CCNY: variants seen among roughly 807,000 people sequenced by gnomAD.
CCNY encodes the protein cyclin Y, also known as cyclin-Y.
In CCNY, 19 loss-of-function variants were observed where a neutral mutation model predicts 42.8. The observed-to-expected ratio is 0.44, with a 90% CI of 0.31 to 0.65. The LOEUF is 0.65. Among genes scored for constraint, CCNY ranks in the 30% least tolerant of loss-of-function variants. The pLI, the probability that CCNY is intolerant of heterozygous loss-of-function variation, is 0.07. For missense variants in CCNY, 370 were observed against 437.3 expected (o/e 0.85, Z 1.37); for synonymous variants, 165 against 162.7 (o/e 1.01, Z -0.11).
Position 35,254,452 on chromosome 10 carries a change from G to C in CCNY, c.-9+3826G>C, listed in dbSNP as rs149558918. Among the ~76,000 whole-genome samples the C allele has an allele frequency of 7.4e-3, 1,131 of 152,234 alleles. 17 individuals carry two copies. The highest frequency in any genetic ancestry group is 0.025 in the African/African-American group (1,057 of 41,546). On this transcript the variant is annotated intron_variant, in intron 3 of 11. Coordinates refer to the CCNY transcript ENST00000374706. ...GTTGCTTTCCTGTGAGTTGAGAATAGTGTGATGAATGCCTAGTCTGGTAAT... is the reference window on the plus strand; with the variant it reads ...GTTGCTTTCCTGTGAGTTGAGAATACTGTGATGAATGCCTAGTCTGGTAAT...
At chr10:35,544,019 C>G (rs1195146581) in intron 7 of CCNY, among the ~76,000 whole-genome samples, 1 of 151,998 alleles carries the variant, frequency 6.6e-6, no homozygotes, top group Non-Finnish European at 1.5e-5. Flanking sequence ...ATGTTTTTAC[C>G]TAAGTGTTAT....
intron 1 of CCNY, among the ~76,000 whole-genome samples, chr10:35,363,749 C>G (rs73264681): frequency 0.01 from 1,543 of 152,200 alleles, 25 homozygotes; most frequent in African/African-American, 0.036. Flanking sequence ...TCCCTGCCTA[C>G]CTGGCACTGA....
At position 35,465,938 on chromosome 10, in the gene CCNY, A is replaced by AGT. The variant is rs1312410028; in HGVS notation, c.155-17445_155-17444dup. Among the ~76,000 whole-genome samples the AGT allele has an allele frequency of 1.2e-3, 97 of 81,016 alleles. 1 individual carries two copies. The highest frequency in any genetic ancestry group is 5.8e-3 in the Admixed American group (45 of 7,820). 53.1% of individuals were successfully genotyped at this position (81,016 alleles called of 152,430 possible). A position where few individuals can be genotyped will look rare whatever the true frequency, so the allele number is the denominator to read the frequency against. ...GAGAGAGAGAGAGAGAGAGAGAGAGAGTGTGTGTGTGTGTGTGTGTGTCTG... is the reference window on the plus strand; with the variant it reads ...GAGAGAGAGAGAGAGAGAGAGAGAGAGTGTGTGTGTGTGTGTGTGTGTGTCTG... On this transcript the variant is annotated intron_variant, in intron 1 of 9. Transcript: ENST00000374704.
chr10:35,465,938 A>AGTGTGTGTGTGTGTGTGT (rs1312410028), intron 1 of CCNY, among the ~76,000 whole-genome samples: 1 of 80,958 alleles, frequency 1.2e-5, no homozygotes, highest in African/African-American at 4.4e-5. Context: ...AGAGAGAGAG[A>AGTGTGTGTGTGTGTGTGT]GTGTGTGTGT....
intron 7 of CCNY, among the ~76,000 whole-genome samples, chr10:35,532,540 A>G (rs754770896): frequency 6.6e-6 from 1 of 152,240 alleles, no homozygotes; most frequent in South Asian, 2.1e-4. Flanking sequence ...AATAACTTAG[A>G]TCACTAAGTG....
In CCNY at chr10:35,363,121, A is replaced by G. The variant is rs193171663; in HGVS notation, c.154+25914A>G. ...CTTCCCAGCTTGTGAGGTGGCCGGC[A>G]GAGGCACTCCTCACTTCCCAGACGG... On this transcript the variant is annotated intron_variant, in intron 1 of 9. Transcript: ENST00000374704. 4.6e-3 allele frequency among the ~76,000 whole-genome samples: 662 copies of G among 144,150 alleles called. 7 individuals are homozygous for G. The highest frequency in any genetic ancestry group is 0.017 in the African/African-American group (643 of 38,124). 94.6% of individuals were successfully genotyped at this position (144,150 alleles called of 152,430 possible). A position where few individuals can be genotyped will look rare whatever the true frequency, so the allele number is the denominator to read the frequency against.
At chr10:35,448,293 A>G (rs760306999) in intron 1 of CCNY, among the ~76,000 whole-genome samples, 5 of 152,162 alleles carry the variant, frequency 3.3e-5, no homozygotes, top group Non-Finnish European at 7.3e-5. Context: ...AGAGAAAACA[A>G]AGCAGGAAGT....
intron 1 of CCNY, among the ~76,000 whole-genome samples, chr10:35,341,646 G>A (rs937010874): frequency 8.6e-5 from 13 of 151,140 alleles, no homozygotes; most frequent in African/African-American, 3.0e-4. Flanking sequence ...ACATCATCGC[G>A]TATGTTTATT....
chr10:35,566,084 G>A lies in CCNY; in HGVS notation c.808G>A (p.Val270Ile). The A allele has an allele frequency of 6.2e-7, 1 of 1,614,206 alleles. No individual in the cohort carries two copies. Among genetic ancestry groups the A allele is most frequent in the Non-Finnish European group, 8.5e-7 (1 of 1,180,020 alleles). Reference sequence around the variant, plus strand: ...GTTCAACATCAATGTTCCTTCCAGTGTCTATGCCAAGTATTATTTTGATCT... The same window carrying A: ...GTTCAACATCAATGTTCCTTCCAGTATCTATGCCAAGTATTATTTTGATCT... ...LQFNINVPSS[V>I]YAKYYFDLRS... Residue 270 changes from valine to isoleucine, a missense_variant, in exon 9 of 10, where the codon GTC (valine) becomes ATC (isoleucine). Physicochemically the swap from Val to Ile is conservative, Grantham distance 29. Transcript: ENST00000374704.
At chr10:35,529,535 G>A (rs1224610982) in intron 5 of CCNY, among the ~76,000 whole-genome samples, 1 of 152,080 alleles carries the variant, frequency 6.6e-6, no homozygotes, top group Admixed American at 6.5e-5. Context: ...CATTATTCAT[G>A]AATAACCATT....
intron 1 of CCNY, among the ~76,000 whole-genome samples, chr10:35,473,026 C>A (rs1409256621): frequency 6.6e-6 from 1 of 152,142 alleles, no homozygotes; most frequent in Non-Finnish European, 1.5e-5. Flanking sequence ...ATTTTTGACT[C>A]AAAAAATTAT....
chr10:35,555,482 G>A (rs1472959567), intron 8 of CCNY, among the ~76,000 whole-genome samples: 3 of 152,168 alleles, frequency 2.0e-5, no homozygotes, highest in Non-Finnish European at 2.9e-5. Context: ...AACAACAACA[G>A]CAGCAGCAGC....
At chr10:35,308,904 A>G (rs965689555) in intron 3 of CCNY, among the ~76,000 whole-genome samples, 10 of 152,056 alleles carry the variant, frequency 6.6e-5, no homozygotes, top group African/African-American at 1.9e-4. Flanking sequence ...TCAATTAGAG[A>G]GGGAGGGTGA....
At chr10:35,514,103 A>T (rs899866734) in intron 3 of CCNY, among the ~76,000 whole-genome samples, 2 of 148,726 alleles carry the variant, frequency 1.3e-5, no homozygotes, top group East Asian at 3.9e-4. Context: ...AAAAACAGAG[A>T]CAACCCTGGG....
chr10:35,444,882 G>T (rs1643331009), intron 1 of CCNY, among the ~76,000 whole-genome samples: 1 of 152,210 alleles, frequency 6.6e-6, no homozygotes, highest in Non-Finnish European at 1.5e-5. Context: ...GACAGATGAT[G>T]AGGACTTAAA....
At chr10:35,446,775 G>A (rs1472946954) in intron 1 of CCNY, among the ~76,000 whole-genome samples, 1 of 152,186 alleles carries the variant, frequency 6.6e-6, no homozygotes, top group African/African-American at 2.4e-5. Flanking sequence ...TGGGGCTGAT[G>A]GCCCTCTGGG....
intron 9 of CCNY, among the ~76,000 whole-genome samples, chr10:35,567,232 A>T (rs1841590098): frequency 6.6e-6 from 1 of 152,204 alleles, no homozygotes; most frequent in African/African-American, 2.4e-5. Context: ...TCCATAGCCC[A>T]GTTAGAGCTG....
intron 1 of CCNY, among the ~76,000 whole-genome samples, chr10:35,459,203 A>G (rs934373935): frequency 6.6e-6 from 1 of 152,196 alleles, no homozygotes; most frequent in Admixed American, 6.5e-5. Context: ...ATGCAGATAC[A>G]CCGTGAGAGG....
chr10:35,288,969 T>G (rs968510496), intron 3 of CCNY, among the ~76,000 whole-genome samples: 1 of 152,184 alleles, frequency 6.6e-6, no homozygotes, highest in African/African-American at 2.4e-5. Context: ...AATCAGAAAT[T>G]CCATTTCAAA....
Sources: gnomAD v4.1 joint callset for allele counts (sites outside exome capture counted in the v4.1 genomes callset) on GRCh38, gnomAD v4.1.1 for gene constraint, MANE v1.5 for transcripts, NCBI Gene and HGNC (gene_info 2026-07-23, HGNC 2026-07-21) for gene names.